The following ISM1 variants were observed in gnomAD, a reference collection of about 807,000 sequenced individuals.
The protein encoded by ISM1 is isthmin 1.
A neutral mutation model predicts 46.3 loss-of-function variants in ISM1; 25 were observed. The ratio of observed to expected loss-of-function variants is 0.54; its 90% CI spans 0.39 to 0.75. The LOEUF (loss-of-function observed/expected upper bound fraction) is 0.75, where lower values mean the gene tolerates loss of function less well. Ranked by LOEUF, ISM1 falls within the 30% of genes least tolerant of loss-of-function variation. The pLI is 0.00. For missense variants in ISM1, 536 were observed against 625.4 expected (o/e 0.86, Z 1.52); for synonymous variants, 255 against 256.7 (o/e 0.99, Z 0.06).
intron 1 of ISM1, among the ~76,000 whole-genome samples, chr20:13,226,779 C>T (rs1242554499): frequency 2.6e-5 from 4 of 152,214 alleles, no homozygotes; most frequent in Non-Finnish European, 4.4e-5. Flanking sequence ...GCAGAAATTG[C>T]AAGACCTATT....
rs148334817 is a variant in ISM1 at position 13,238,511 on chromosome 20, A to G, written c.138+16597A>G. On this transcript the variant is annotated intron_variant, in intron 1 of 5. Coordinates refer to ENST00000262487, the MANE Select transcript of ISM1 (RefSeq NM_080826.2). ...TTATACATAGTTCCCCAATACCCAC[A>G]TGGACATCACTCCACATAATTCCAG... 1.5e-3 allele frequency among the ~76,000 whole-genome samples: 233 copies of G among 152,312 alleles called. 1 individual carries two copies. Among genetic ancestry groups the G allele is most frequent in the African/African-American group, 5.3e-3 (221 of 41,578 alleles).
chr20:13,313,710 A>C, the ISM1 span, among the ~76,000 whole-genome samples: 2 of 152,208 alleles, frequency 1.3e-5, no homozygotes, highest in Admixed American at 6.5e-5. Flanking sequence ...CCAATATATC[A>C]TGTCCAGCTA....
At chr20:13,233,162 A>G (rs977503388) in intron 1 of ISM1, among the ~76,000 whole-genome samples, 3 of 152,228 alleles carry the variant, frequency 2.0e-5, no homozygotes, top group African/African-American at 2.4e-5. Flanking sequence ...AACCAGAAAT[A>G]GATTTCGTAT....
intron 2 of ISM1, among the ~76,000 whole-genome samples, chr20:13,271,214 C>G (rs1485631016): frequency 1.3e-5 from 2 of 152,132 alleles, no homozygotes; most frequent in Admixed American, 1.3e-4. Flanking sequence ...TCTAAACTTG[C>G]CTTGGACACC....
chr20:13,230,982 C>G (rs2039581995), intron 1 of ISM1, among the ~76,000 whole-genome samples: 1 of 152,174 alleles, frequency 6.6e-6, no homozygotes, highest in Non-Finnish European at 1.5e-5. Context: ...CCATTGTGGT[C>G]CCTGACTTGA....
intron 1 of ISM1, among the ~76,000 whole-genome samples, chr20:13,261,975 G>A (rs2039994055): frequency 6.6e-6 from 1 of 152,148 alleles, no homozygotes; most frequent in South Asian, 2.1e-4. Flanking sequence ...GGAGATGTTC[G>A]CCTTCTGGTG....
Position 13,268,296 on chromosome 20 carries a change from T to G in ISM1, c.139-2208T>G, listed in dbSNP as rs114976371. On this transcript the variant is annotated intron_variant, in intron 1 of 5. Coordinates refer to ENST00000262487, the MANE Select transcript of ISM1 (RefSeq NM_080826.2). Reference sequence around the variant, plus strand: ...CGCTCCTTCTCTTTCTTTCTTCTCTTCCTTCTCTTCTCTTTTCTCTTCTCT... The same window carrying G: ...CGCTCCTTCTCTTTCTTTCTTCTCTGCCTTCTCTTCTCTTTTCTCTTCTCT... 3.7e-3 allele frequency among the ~76,000 whole-genome samples: 551 copies of G among 150,424 alleles called. 2 individuals carry two copies. The highest frequency in any genetic ancestry group is 0.011 in the South Asian group (50 of 4,712).
At chr20:13,229,133 C>A (rs1218727171) in intron 1 of ISM1, among the ~76,000 whole-genome samples, 7 of 146,410 alleles carry the variant, frequency 4.8e-5, no homozygotes, top group African/African-American at 1.5e-4. Context: ...TATCTTTCTT[C>A]TCTTCTCTCT....
At chr20:13,228,756 T>C (rs1191288929) in intron 1 of ISM1, among the ~76,000 whole-genome samples, 4 of 152,230 alleles carry the variant, frequency 2.6e-5, no homozygotes, top group Non-Finnish European at 4.4e-5. Context: ...ACTCTTTTTC[T>C]GGAACTCCTG....
chr20:13,267,464 C>T, intron 1 of ISM1, among the ~76,000 whole-genome samples: 1 of 152,204 alleles, frequency 6.6e-6, no homozygotes, highest in East Asian at 1.9e-4. Flanking sequence ...CTTCCCTTTC[C>T]ATGTGTAGAC....
chr20:13,266,071 A>C (rs1458145378), intron 1 of ISM1, among the ~76,000 whole-genome samples: 1 of 152,212 alleles, frequency 6.6e-6, no homozygotes, highest in East Asian at 1.9e-4. Context: ...CCTTTGCAGC[A>C]GTTCTGTCCA....
chr20:13,258,257 TTAGG>T (rs569298866), intron 1 of ISM1, among the ~76,000 whole-genome samples: 34 of 152,238 alleles, frequency 2.2e-4, no homozygotes, highest in Admixed American at 9.2e-4. Flanking sequence ...TTGGCCAATG[TTAGG>T]CATGGCAGGA....
At chr20:13,283,893 G>C (rs1260650014) in intron 3 of ISM1, among the ~76,000 whole-genome samples, 2 of 151,924 alleles carry the variant, frequency 1.3e-5, no homozygotes, top group Non-Finnish European at 2.9e-5. Context: ...GTTTAATTAT[G>C]GCCACGTAAG....
intron 1 of ISM1, among the ~76,000 whole-genome samples, chr20:13,230,237 C>T (rs1443632948): frequency 6.6e-6 from 1 of 152,132 alleles, no homozygotes; most frequent in Non-Finnish European, 1.5e-5. Context: ...GAACATTTTT[C>T]CTCTGATATG....
chr20:13,272,939 C>T (rs992958555), intron 2 of ISM1, among the ~76,000 whole-genome samples: 1 of 152,204 alleles, frequency 6.6e-6, no homozygotes, highest in Non-Finnish European at 1.5e-5. Context: ...AGCGCTTTTT[C>T]CCAGAGGTGG....
chr20:13,278,912 G>A (rs2123279440), intron 2 of ISM1, among the ~76,000 whole-genome samples: 1 of 152,312 alleles, frequency 6.6e-6, no homozygotes, highest in Middle Eastern at 3.4e-3. Flanking sequence ...ACATGTAGTG[G>A]TCTAGGCTAA....
chr20:13,258,869 A>G (rs2039955884), intron 1 of ISM1, among the ~76,000 whole-genome samples: 1 of 152,136 alleles, frequency 6.6e-6, no homozygotes, highest in Non-Finnish European at 1.5e-5. Context: ...GTGGTTCTCC[A>G]TACTGGTTCC....
chr20:13,297,647 G>A (rs1171739432), intron 5 of ISM1, among the ~76,000 whole-genome samples: 5 of 152,222 alleles, frequency 3.3e-5, no homozygotes, highest in African/African-American at 4.8e-5. Context: ...CCATGGAGGG[G>A]TCACCATTCA....
At chr20:13,235,766 G>A (rs868825003) in intron 1 of ISM1, among the ~76,000 whole-genome samples, 1 of 152,046 alleles carries the variant, frequency 6.6e-6, no homozygotes, top group Admixed American at 6.6e-5. Context: ...CTGCAAATAC[G>A]TTATTCATCA....
Sources: allele counts gnomAD v4.1 joint callset (sites outside exome capture counted in the v4.1 genomes callset), GRCh38; gene constraint gnomAD v4.1.1; transcripts MANE v1.5; gene names NCBI Gene and HGNC (gene_info 2026-07-23, HGNC 2026-07-21).